SIN3A: variants seen among roughly 807,000 people sequenced by gnomAD.
SIN3A encodes the protein SIN3 transcription regulator family member A.
SIN3A carries 14 observed loss-of-function variants against 146.1 expected under a neutral mutation model. The observed-to-expected ratio is 0.10, with a 90% CI of 0.06 to 0.15. SIN3A has a LOEUF of 0.15. Ranked by LOEUF, SIN3A falls within the 10% of genes least tolerant of loss-of-function variation. The probability of loss-of-function intolerance (pLI) is 1.00; values close to 1 mark genes in which losing one functional copy is unlikely to be tolerated. For missense variants in SIN3A, 1,028 were observed against 1,576.0 expected, an observed-to-expected ratio of 0.65 and a Z score of 5.89; for synonymous variants, 572 against 572.0, an observed-to-expected ratio of 1.00 and a Z score of 0.00.
intron 2 of SIN3A, among the ~76,000 whole-genome samples, chr15:75,429,146 G>A (rs770112340): frequency 6.6e-6 from 1 of 152,112 alleles, no homozygotes; most frequent in Non-Finnish European, 1.5e-5. Context: ...TTGGCCAGAC[G>A]CAGTGGCTCA....
chr15:75,379,718 C>T (rs2072929517), intron 19 of SIN3A, among the ~76,000 whole-genome samples: 1 of 152,196 alleles, frequency 6.6e-6, no homozygotes, highest in South Asian at 2.1e-4. Flanking sequence ...AAACCTAAGA[C>T]ATAAGATTTC....
chr15:75,448,497 A>AAC (rs2074347445), intron 1 of SIN3A, among the ~76,000 whole-genome samples: 1 of 152,110 alleles, frequency 6.6e-6, no homozygotes, highest in Non-Finnish European at 1.5e-5. Flanking sequence ...CCATCTCAAA[A>AAC]AAAAAAAAAA....
rs373470602 is a variant in SIN3A, at chr15:75,427,791, G to A, written c.189+2396C>T. ...TCGAGACCAGTCTGGCCCACATGGC[G>A]AAACCCCATCTCTACTAAAAACACA... is the stretch of plus-strand genomic sequence containing the variant. On this transcript the variant is annotated intron_variant, in intron 2 of 20. Coordinates refer to ENST00000394947, the MANE Select transcript of SIN3A (RefSeq NM_001145358.2). Among the ~76,000 whole-genome samples the A allele has an allele frequency of 1.4e-4, 22 of 151,964 alleles. No individual in the cohort carries two copies. The East Asian group carries it at 3.7e-3, about 25-fold the overall frequency.
chr15:75,433,973 G>A (rs1422619650), intron 1 of SIN3A, among the ~76,000 whole-genome samples: 1 of 152,170 alleles, frequency 6.6e-6, no homozygotes. Context: ...ATTTATGAAT[G>A]AGGAAACTGA....
chr15:75,375,893 A>G, intron 19 of SIN3A, 21 bp from the exon 20 acceptor site: 2 of 1,612,666 alleles, frequency 1.2e-6, no homozygotes, highest in Non-Finnish European at 8.5e-7. Flanking sequence ...AAAGCCCCGG[A>G]GGATGAGAGC....
At chr15:75,419,348 C>T (rs1203570122) in intron 3 of SIN3A, 1 of 152,116 alleles carries the variant, frequency 6.6e-6, no homozygotes, top group Non-Finnish European at 1.5e-5. Context: ...TTAAGAATAG[C>T]ATGCATCATT....
chr15:75,378,166 G>C (rs1457604642), intron 19 of SIN3A, among the ~76,000 whole-genome samples: 1 of 152,110 alleles, frequency 6.6e-6, no homozygotes. Flanking sequence ...CAAAATCATA[G>C]AGGAAAAAAA....
intron 1 of SIN3A, among the ~76,000 whole-genome samples, chr15:75,435,897 C>T (rs2074099637): frequency 6.6e-6 from 1 of 151,482 alleles, no homozygotes; most frequent in African/African-American, 2.4e-5. Context: ...AGCTGAGGCT[C>T]AAGGATGGCT....
At chr15:75,410,362 C>G (rs1008926130) in intron 6 of SIN3A, 76 bp from the exon 7 acceptor site, 13 of 1,408,814 alleles carry the variant, frequency 9.2e-6, no homozygotes, top group Non-Finnish European at 1.3e-5. Flanking sequence ...TTTCTGGAAT[C>G]ACTGTTATCT....
intron 2 of SIN3A, among the ~76,000 whole-genome samples, chr15:75,424,646 C>T (rs923104960): frequency 3.3e-5 from 5 of 151,958 alleles, no homozygotes; most frequent in African/African-American, 9.7e-5. Flanking sequence ...GGTTAATTGT[C>T]GTACTTTTTG....
chr15:75,429,030 T>C (rs1451653272), intron 2 of SIN3A, among the ~76,000 whole-genome samples: 1 of 152,230 alleles, frequency 6.6e-6, no homozygotes. Flanking sequence ...ATATAGTATA[T>C]GACAAATATA....
At chr15:75,448,305 C>T (rs1381715013) in intron 1 of SIN3A, 1 of 152,278 alleles carries the variant, frequency 6.6e-6, no homozygotes, top group South Asian at 2.1e-4. Context: ...TGCGACCAAC[C>T]TGATCAACAT....
At chr15:75,395,074 A>C (rs1285658377) in intron 13 of SIN3A, among the ~76,000 whole-genome samples, 3 of 152,242 alleles carry the variant, frequency 2.0e-5, no homozygotes, top group African/African-American at 4.8e-5. Flanking sequence ...GAAATGATTT[A>C]TCTCAAAGTC....
chr15:75,429,725 G>C (rs1205228358), intron 2 of SIN3A, among the ~76,000 whole-genome samples: 1 of 152,096 alleles, frequency 6.6e-6, no homozygotes, highest in Non-Finnish European at 1.5e-5. Flanking sequence ...TCCAACAGTA[G>C]AATTGACAAA....
chr15:75,427,574 C>T (rs766508166), intron 2 of SIN3A, among the ~76,000 whole-genome samples: 4 of 151,886 alleles, frequency 2.6e-5, no homozygotes, highest in East Asian at 3.9e-4. Flanking sequence ...GCAAGAGAAT[C>T]GCTTCAACCT....
chr15:75,400,406 T>C (rs1380622546), intron 11 of SIN3A, among the ~76,000 whole-genome samples: 1 of 151,954 alleles, frequency 6.6e-6, no homozygotes, highest in African/African-American at 2.4e-5. Flanking sequence ...AGTGACCCAA[T>C]CTTTACAAAA....
intron 19 of SIN3A, among the ~76,000 whole-genome samples, chr15:75,379,398 G>C (rs2072923916): frequency 6.6e-6 from 1 of 152,080 alleles, no homozygotes; most frequent in Admixed American, 6.6e-5. Context: ...AAATTCTGGA[G>C]GGAAGATTCC....
At chr15:75,386,396 CCCT>C (rs1174616757) in intron 16 of SIN3A, among the ~76,000 whole-genome samples, 1 of 152,138 alleles carries the variant, frequency 6.6e-6, no homozygotes, top group Non-Finnish European at 1.5e-5. Context: ...GATATCTGGC[CCCT>C]CCTCGAGTCT....
intron 6 of SIN3A, 32 bp downstream of exon 6, chr15:75,411,460 T>A: frequency 1.3e-6 from 2 of 1,586,450 alleles, no homozygotes; most frequent in African/African-American, 2.7e-5. Context: ...GAGGGTGACC[T>A]GGTTAAGACA....
Sources: allele counts gnomAD v4.1 joint callset (sites outside exome capture counted in the v4.1 genomes callset), GRCh38; gene constraint gnomAD v4.1.1; transcripts MANE v1.5; gene names NCBI Gene and HGNC (gene_info 2026-07-23, HGNC 2026-07-21).